SCAF11: variants seen among roughly 807,000 people sequenced by gnomAD.
SCAF11 encodes the protein protein SCAF11.
In SCAF11, 47 loss-of-function variants were observed where a neutral mutation model predicts 140.5. That is an observed-to-expected ratio of 0.33 (90% CI 0.26 to 0.43). The LOEUF (loss-of-function observed/expected upper bound fraction) is 0.43, where lower values mean the gene tolerates loss of function less well. Among genes scored for constraint, SCAF11 ranks in the 20% least tolerant of loss-of-function variants. The pLI is 1.00. For synonymous variants in SCAF11, 557 were observed against 579.4 expected, an observed-to-expected ratio of 0.96 and a Z score of 0.55; for missense variants, 1,645 against 1,705.1, an observed-to-expected ratio of 0.96 and a Z score of 0.62.
At chr12:45,947,294 T>C (rs1332895120) in intron 5 of SCAF11, among the ~76,000 whole-genome samples, 1 of 152,156 alleles carries the variant, frequency 6.6e-6, no homozygotes, top group Non-Finnish European at 1.5e-5. Context: ...CATATTCAAT[T>C]TACCTCAAAA....
chr12:45,959,282 AAAG>A (rs1178789725), intron 3 of SCAF11, among the ~76,000 whole-genome samples: 5 of 152,180 alleles, frequency 3.3e-5, no homozygotes, highest in Admixed American at 6.5e-5. Flanking sequence ...AAAAAAAAAA[AAAG>A]AAGTGAACAT....
intron 1 of SCAF11, among the ~76,000 whole-genome samples, chr12:45,966,860 C>T (rs778078307): frequency 3.9e-5 from 6 of 152,046 alleles, no homozygotes; most frequent in Non-Finnish European, 7.4e-5. Flanking sequence ...CATACTATCT[C>T]CTTCATTATC....
chr12:45,944,297 C>A (rs10880870), intron 6 of SCAF11, among the ~76,000 whole-genome samples: 5 of 152,234 alleles, frequency 3.3e-5, no homozygotes, highest in Admixed American at 3.3e-4. Context: ...CCACAGAAGT[C>A]CAGAGATCAA....
chr12:45,990,455 C>T lies in SCAF11; in HGVS notation c.-124G>A, dbSNP rs1286027448. 4 of 1,231,442 alleles carry T rather than the reference C, an allele frequency of 3.2e-6. No homozygotes were observed. The allele number at this position is 1,231,442 out of a possible 1,614,324, so 76.3% of individuals were successfully genotyped here. ...GTTCCCCAACATGGACTCCTTCGTC[C>T]GCTTTGTGGTGTTACAGGGTCTCTA... On this transcript the variant is annotated 5_prime_UTR_variant, in exon 1 of 15. Coordinates refer to ENST00000369367, the MANE Select transcript of SCAF11 (RefSeq NM_004719.3).
In SCAF11 at chr12:45,934,461, T is replaced by C. The variant is rs1451654824; in HGVS notation, c.508A>G (p.Ile170Val). The C allele has an allele frequency of 1.3e-6, 2 of 1,594,928 alleles. No homozygotes were observed. Among genetic ancestry groups the C allele is most frequent in the African/African-American group, 1.4e-5 (1 of 73,840 alleles). The change falls in exon 7 of 15, where the codon ATA (isoleucine) becomes GTA (valine). Residue 170 changes from isoleucine (I) to valine (V), a missense_variant. By Grantham distance (29) the Ile-to-Val change is conservative. Coordinates refer to ENST00000369367, the MANE Select transcript of SCAF11 (RefSeq NM_004719.3). Reference sequence around the variant, plus strand: ...TTTCAACAAACCTTATTTATCTTTATTGCTGCATTTTTCTTTCCTCCTGTT... The same window carrying C: ...TTTCAACAAACCTTATTTATCTTTACTGCTGCATTTTTCTTTCCTCCTGTT... The part of the protein sequence containing the change: ...SETGGKKNAA[I>V]KINKPQRSNW...
chr12:45,990,391 C>T lies in SCAF11; in HGVS notation c.-60G>A, dbSNP rs1164240829. 6.9e-5 allele frequency: 85 copies of T among 1,232,488 alleles called. No homozygotes were observed. Among genetic ancestry groups the T allele is most frequent in the Non-Finnish European group, 8.3e-5 (82 of 988,746 alleles). 76.3% of individuals were successfully genotyped at this position (1,232,488 alleles called of 1,614,324 possible). A position where few individuals can be genotyped will look rare whatever the true frequency, so the allele number is the denominator to read the frequency against. ...CGAGGCGCTCGGTCCGGCCGCGGCC[C>T]CACAGTAGGTTCCCAGGTCCCAGTC... is the stretch of plus-strand genomic sequence containing the variant. On this transcript the variant is annotated 5_prime_UTR_variant, in exon 1 of 15. Coordinates refer to ENST00000369367, the MANE Select transcript of SCAF11 (RefSeq NM_004719.3).
chr12:45,974,391 A>T, intron 1 of SCAF11: 2 of 355,802 alleles, frequency 5.6e-6, no homozygotes, highest in South Asian at 4.2e-5. Context: ...TTTCACAAAA[A>T]ATTTCTCTGT....
intron 1 of SCAF11, among the ~76,000 whole-genome samples, chr12:45,968,509 A>C (rs555785294): frequency 2.0e-5 from 3 of 152,166 alleles, no homozygotes; most frequent in Non-Finnish European, 4.4e-5. Flanking sequence ...TCATATAAGA[A>C]GGTATTAAAG....
chr12:45,925,200 C>A (rs1944830430), intron 11 of SCAF11, 126 bp from the exon 12 acceptor site: 2 of 642,792 alleles, frequency 3.1e-6, no homozygotes, highest in African/African-American at 3.7e-5. Flanking sequence ...CAATACCAAT[C>A]TCCAATTGCT....
intron 9 of SCAF11, among the ~76,000 whole-genome samples, chr12:45,932,569 G>A (rs1003537092): frequency 1.3e-5 from 2 of 151,986 alleles, no homozygotes; most frequent in Admixed American, 6.6e-5. Context: ...TATGTTATAG[G>A]AATTAATATA....
chr12:45,988,635 G>A (rs1455224169), intron 1 of SCAF11, among the ~76,000 whole-genome samples: 2 of 152,084 alleles, frequency 1.3e-5, no homozygotes, highest in Non-Finnish European at 2.9e-5. Flanking sequence ...ATGTTTTCTG[G>A]CAACATATTT....
chr12:45,928,713 C>T lies in SCAF11; in HGVS notation c.988G>A (p.Glu330Lys), dbSNP rs780334214. 6 of 1,613,994 alleles carry T rather than the reference C, an allele frequency of 3.7e-6. No homozygotes were observed. The South Asian group carries it at 6.6e-5, about 18-fold the overall frequency. The change falls in exon 11 of 15, where the codon GAA (glutamate) becomes AAA (lysine). Residue 330 changes from glutamate (E) to lysine (K), a missense_variant. By Grantham distance (56) the Glu-to-Lys change is moderately conservative. Around this residue, in one of 2 missense-constraint regions of SCAF11, gnomAD observed 1,582 missense variants for 1,609.2 expected, o/e 0.98. Coordinates refer to ENST00000369367, the MANE Select transcript of SCAF11 (RefSeq NM_004719.3). Reference protein sequence around the residue: ...TRRSTRNTRAETASQSQRSPI... With the variant: ...TRRSTRNTRAKTASQSQRSPI... ...GATCTCTGAGACTGACTGGCTGTTT[C>T]AGCTCTTGTGTTACGTGTAGACCTC... is the stretch of plus-strand genomic sequence containing the variant.
chr12:45,947,699 CAG>C (rs1945456024), intron 5 of SCAF11, among the ~76,000 whole-genome samples: 1 of 152,164 alleles, frequency 6.6e-6, no homozygotes, highest in East Asian at 1.9e-4. Flanking sequence ...GTTTTTGAGA[CAG>C]AGTCTTGCTC....
rs2136484531 is a variant in SCAF11, at chr12:45,920,192, T to A, written c.*1856A>T. On this transcript the variant is annotated 3_prime_UTR_variant, in exon 15 of 15. Transcript: ENST00000369367. The stretch of plus-strand genomic sequence containing the variant: ...AAGGTCAAAAACTGCTTGGAAATAT[T>A]TTTATGATTACACTCATAACAACAA... 1 of 152,298 alleles carries A rather than the reference T, an allele frequency of 6.6e-6. No individual in the cohort carries two copies. Among genetic ancestry groups the A allele is most frequent in the East Asian group, 1.9e-4 (1 of 5,180 alleles). 9.4% of individuals were successfully genotyped at this position (152,298 alleles called of 1,614,324 possible).
chr12:45,964,553 G>T (rs1322805828), intron 1 of SCAF11, among the ~76,000 whole-genome samples: 2 of 152,004 alleles, frequency 1.3e-5, no homozygotes, highest in Non-Finnish European at 2.9e-5. Flanking sequence ...TGTAGTCCCA[G>T]CTGCTCGGGA....
At chr12:45,976,805 A>G (rs1477967457) in intron 1 of SCAF11, among the ~76,000 whole-genome samples, 1 of 152,106 alleles carries the variant, frequency 6.6e-6, no homozygotes, top group Non-Finnish European at 1.5e-5. Flanking sequence ...AAAGGAGCAA[A>G]GTATATACAA....
chr12:45,990,690 G>T, upstream of SCAF11: 1 of 814,106 alleles, frequency 1.2e-6, no homozygotes, highest in East Asian at 3.6e-5. Context: ...AGCCGGACTC[G>T]CCACATTCTG....
At chr12:45,976,255 A>G (rs1946230091) in intron 1 of SCAF11, among the ~76,000 whole-genome samples, 1 of 152,214 alleles carries the variant, frequency 6.6e-6, no homozygotes, top group South Asian at 2.1e-4. Context: ...TAGAGCTACC[A>G]CTAAAAACAT....
intron 6 of SCAF11, among the ~76,000 whole-genome samples, chr12:45,942,466 C>T (rs1462339252): frequency 1.3e-5 from 2 of 152,184 alleles, no homozygotes; most frequent in East Asian, 1.9e-4. Flanking sequence ...TTAAAATGTA[C>T]CAGATCACGT....
Sources: gnomAD v4.1 joint callset for allele counts (sites outside exome capture counted in the v4.1 genomes callset) on GRCh38, gnomAD v4.1.1 for gene constraint, gnomAD v4.1.1 regional missense constraint, MANE v1.5 for transcripts, NCBI Gene and HGNC (gene_info 2026-07-23, HGNC 2026-07-21) for gene names.